The following MYCT1 variants were observed in gnomAD, a reference collection of about 807,000 sequenced individuals.
The protein encoded by MYCT1 is myc target protein 1.
A neutral mutation model predicts 15.0 loss-of-function variants in MYCT1; 12 were observed. The ratio of observed to expected loss-of-function variants is 0.80; its 90% CI spans 0.51 to 1.29. The LOEUF is 1.29. MYCT1 is among the 50% of genes most tolerant of loss of function. MYCT1 has a pLI of 0.00. For missense variants in MYCT1, 287 were observed against 279.1 expected, an observed-to-expected ratio of 1.03 and a Z score of -0.20; for synonymous variants, 104 against 102.7, an observed-to-expected ratio of 1.01 and a Z score of -0.07.
rs575642707 is a variant in MYCT1 at position 152,724,215 on chromosome 6, A to T, written c.*1962A>T. ...CCAAGTAAGGTTTCAAGGGAATATT[A>T]ACTTGGTATCAGGGCTACTTTTTTT... On this transcript the variant is annotated 3_prime_UTR_variant, in exon 2 of 2. Transcript: ENST00000367245. 2.0e-5 allele frequency: 3 copies of T among 151,350 alleles called. No individual in the cohort carries two copies. The East Asian group carries it at 5.8e-4, about 29-fold the overall frequency. 9.4% of individuals were successfully genotyped at this position (151,350 alleles called of 1,614,324 possible).
At chr6:152,717,045 A>C (rs1340779455) in intron 1 of MYCT1, among the ~76,000 whole-genome samples, 1 of 152,160 alleles carries the variant, frequency 6.6e-6, no homozygotes, top group Non-Finnish European at 1.5e-5. Context: ...ATACATTGTC[A>C]AAAGTCTGCC....
downstream of MYCT1, among the ~76,000 whole-genome samples, chr6:152,728,022 G>C (rs536824596): frequency 2.6e-5 from 4 of 152,198 alleles, no homozygotes; most frequent in African/African-American, 7.2e-5. Context: ...AAATTAGCCA[G>C]GCGTGGTGGT....
chr6:152,717,183 AT>A (rs2099723835), intron 1 of MYCT1, among the ~76,000 whole-genome samples: 1 of 151,198 alleles, frequency 6.6e-6, no homozygotes, highest in South Asian at 2.1e-4. Flanking sequence ...TGAAAAAAAA[AT>A]GTGTATGAAA....
chr6:152,705,434 C>T (rs529159923), intron 1 of MYCT1, among the ~76,000 whole-genome samples: 1 of 152,184 alleles, frequency 6.6e-6, no homozygotes, highest in Non-Finnish European at 1.5e-5. Flanking sequence ...CAAATCTAAC[C>T]ATGGTAAGTT....
At chr6:152,704,239 C>T (rs1258089608) in intron 1 of MYCT1, among the ~76,000 whole-genome samples, 3 of 151,988 alleles carry the variant, frequency 2.0e-5, no homozygotes, top group African/African-American at 7.2e-5. Flanking sequence ...TGGGCTCAAG[C>T]GATTTGCCCA....
At chr6:152,745,863 G>A in the MYCT1 span, among the ~76,000 whole-genome samples, 4 of 152,092 alleles carry the variant, frequency 2.6e-5, no homozygotes, top group African/African-American at 4.8e-5. Context: ...TTTGTCTCCC[G>A]TACCATTATG....
intron 1 of MYCT1, among the ~76,000 whole-genome samples, chr6:152,700,424 A>G (rs986023333): frequency 6.6e-6 from 1 of 152,142 alleles, no homozygotes; most frequent in African/African-American, 2.4e-5. Flanking sequence ...TGTTTTCCCA[A>G]TATAACTTTT....
At chr6:152,707,165 C>T (rs1189250810) in intron 1 of MYCT1, among the ~76,000 whole-genome samples, 1 of 152,132 alleles carries the variant, frequency 6.6e-6, no homozygotes, top group African/African-American at 2.4e-5. Flanking sequence ...CACCAGCACT[C>T]ATTATCTTTT....
chr6:152,704,641 A>T (rs1042402772), intron 1 of MYCT1, among the ~76,000 whole-genome samples: 4 of 152,054 alleles, frequency 2.6e-5, no homozygotes, highest in Non-Finnish European at 5.9e-5. Flanking sequence ...AAACTATACA[A>T]TATATTATTA....
chr6:152,720,153 C>T (rs1020565822), intron 1 of MYCT1, among the ~76,000 whole-genome samples: 31 of 151,828 alleles, frequency 2.0e-4, no homozygotes, highest in African/African-American at 7.0e-4. Flanking sequence ...GGTTAGCAGG[C>T]TCTTGGCTAG....
chr6:152,733,806 G>A, the MYCT1 span, among the ~76,000 whole-genome samples: 2 of 152,192 alleles, frequency 1.3e-5, no homozygotes, highest in African/African-American at 2.4e-5. Context: ...ACAAGATTCA[G>A]TTGCTTTTCT....
At chr6:152,716,238 C>T (rs537678037) in intron 1 of MYCT1, among the ~76,000 whole-genome samples, 11 of 152,236 alleles carry the variant, frequency 7.2e-5, no homozygotes, top group Middle Eastern at 3.4e-3. Flanking sequence ...AAATACTCCT[C>T]GGCTGTTTAA....
chr6:152,714,715 C>G (rs926072098), intron 1 of MYCT1, among the ~76,000 whole-genome samples: 2 of 151,016 alleles, frequency 1.3e-5, no homozygotes, highest in Admixed American at 6.6e-5. Flanking sequence ...GATATTTTTC[C>G]ATTTTCTATT....
intron 1 of MYCT1, among the ~76,000 whole-genome samples, chr6:152,713,071 C>G (rs2129069540): frequency 6.6e-6 from 1 of 152,104 alleles, no homozygotes; most frequent in East Asian, 1.9e-4. Context: ...TTCCACAAGG[C>G]CTAGAGGCTT....
chr6:152,701,961 C>T (rs970765230), intron 1 of MYCT1, among the ~76,000 whole-genome samples: 3 of 152,086 alleles, frequency 2.0e-5, no homozygotes, highest in Non-Finnish European at 4.4e-5. Context: ...CACTATGTCC[C>T]CTGCTCCCTA....
At chr6:152,704,836 C>A (rs1293137900) in intron 1 of MYCT1, among the ~76,000 whole-genome samples, 1 of 152,056 alleles carries the variant, frequency 6.6e-6, no homozygotes, top group Non-Finnish European at 1.5e-5. Context: ...ACAACCATCA[C>A]CTGAGGTAGT....
intron 1 of MYCT1, among the ~76,000 whole-genome samples, chr6:152,704,088 C>T (rs1192573633): frequency 1.3e-5 from 2 of 151,912 alleles, no homozygotes; most frequent in East Asian, 3.9e-4. Context: ...CTTCAACTTC[C>T]TGGGCTCAAG....
At chr6:152,730,720 T>C in the MYCT1 span, among the ~76,000 whole-genome samples, 2 of 152,202 alleles carry the variant, frequency 1.3e-5, no homozygotes, top group South Asian at 2.1e-4. Flanking sequence ...TGGAATCTAC[T>C]AGATACCACA....
intron 1 of MYCT1, among the ~76,000 whole-genome samples, chr6:152,700,135 A>G (rs1322432440): frequency 6.6e-6 from 1 of 152,188 alleles, no homozygotes; most frequent in African/African-American, 2.4e-5. Context: ...TAAACATATA[A>G]AATGTATACA....
Sources: allele counts gnomAD v4.1 joint callset (sites outside exome capture counted in the v4.1 genomes callset), GRCh38; gene constraint gnomAD v4.1.1; transcripts MANE v1.5; gene names NCBI Gene and HGNC (gene_info 2026-07-23, HGNC 2026-07-21).